Variants in IPMK observed in about 807,000 individuals in gnomAD.
IPMK encodes inositol 1,3,4,6-tetrakisphosphate 5-kinase.
A neutral mutation model predicts 45.8 loss-of-function variants in IPMK; 17 were observed. The observed-to-expected ratio is 0.37, with a 90% CI of 0.25 to 0.56. The LOEUF (loss-of-function observed/expected upper bound fraction) is 0.56, where lower values mean the gene tolerates loss of function less well. Ranked by LOEUF, IPMK falls within the 20% of genes least tolerant of loss-of-function variation. The probability of loss-of-function intolerance (pLI) is 0.79; values close to 1 mark genes in which losing one functional copy is unlikely to be tolerated. For missense variants in IPMK, 399 were observed against 498.0 expected, an observed-to-expected ratio of 0.80 and a Z score of 1.89; for synonymous variants, 180 against 184.3, an observed-to-expected ratio of 0.98 and a Z score of 0.19.
intron 4 of IPMK, among the ~76,000 whole-genome samples, chr10:58,202,210 G>A (rs560996114): frequency 2.6e-5 from 4 of 152,214 alleles, no homozygotes; most frequent in East Asian, 3.9e-4. Flanking sequence ...TAGATGAAAC[G>A]GCCTTCTATT....
chr10:58,237,408 T>C (rs1838629764), intron 2 of IPMK, among the ~76,000 whole-genome samples: 1 of 152,228 alleles, frequency 6.6e-6, no homozygotes, highest in African/African-American at 2.4e-5. Context: ...CCTTTGTAAA[T>C]AGTCCCTTTA....
intron 4 of IPMK, among the ~76,000 whole-genome samples, chr10:58,209,073 T>C (rs1398574588): frequency 2.0e-5 from 3 of 152,224 alleles, no homozygotes; most frequent in African/African-American, 7.2e-5. Flanking sequence ...TCTATAGGAA[T>C]GTTGTTATTC....
chr10:58,236,492 T>G, intron 2 of IPMK, among the ~76,000 whole-genome samples: 1 of 152,346 alleles, frequency 6.6e-6, no homozygotes, highest in African/African-American at 2.4e-5. Flanking sequence ...TACAGAAATC[T>G]ATTTCTGTAT....
chr10:58,259,515 CA>C (rs1839024270), intron 1 of IPMK, among the ~76,000 whole-genome samples: 1 of 151,730 alleles, frequency 6.6e-6, no homozygotes, highest in South Asian at 2.1e-4. Flanking sequence ...TATTCCTTAA[CA>C]TAGAATGCCA....
chr10:58,208,672 G>A (rs1194314760), intron 4 of IPMK, among the ~76,000 whole-genome samples: 1 of 152,134 alleles, frequency 6.6e-6, no homozygotes, highest in Non-Finnish European at 1.5e-5. Flanking sequence ...TATATTATTA[G>A]TGTGTGGGTG....
chr10:58,212,192 C>A (rs1033230334), intron 4 of IPMK, among the ~76,000 whole-genome samples: 4 of 152,090 alleles, frequency 2.6e-5, no homozygotes, highest in Non-Finnish European at 5.9e-5. Context: ...GAAGTAGTTT[C>A]CACCGTGAAA....
At position 58,225,985 on chromosome 10, in the gene IPMK, A is replaced by T. The variant is rs116373728; in HGVS notation, c.373+1058T>A. The stretch of plus-strand genomic sequence containing the variant: ...TATAGTTAGGACTAAAAAGACCTGT[A>T]AGCCCACAAAAAAGAAGGAAGGAAT... On this transcript the variant is annotated intron_variant, in intron 3 of 5. Transcript: ENST00000373935. 4.7e-3 allele frequency among the ~76,000 whole-genome samples: 714 copies of T among 152,312 alleles called. 5 individuals carry two copies. Among genetic ancestry groups the T allele is most frequent in the African/African-American group, 0.016 (677 of 41,578 alleles).
chr10:58,213,029 A>G (rs1270733525), intron 4 of IPMK: 1 of 155,168 alleles, frequency 6.4e-6, no homozygotes, highest in Non-Finnish European at 1.5e-5. Context: ...ATGCTGGTAA[A>G]CAATCATGAT....
chr10:58,222,461 T>A (rs896092188), intron 3 of IPMK, among the ~76,000 whole-genome samples: 1 of 152,184 alleles, frequency 6.6e-6, no homozygotes, highest in Non-Finnish European at 1.5e-5. Flanking sequence ...TTAGGACTCT[T>A]ATGAAGTGAG....
intron 1 of IPMK, among the ~76,000 whole-genome samples, chr10:58,264,199 G>A (rs61873887): frequency 0.042 from 6,428 of 152,302 alleles, 182 homozygotes; most frequent in East Asian, 0.14. Context: ...GTGGCATAAT[G>A]TATGCAACCT....
At chr10:58,224,397 C>G (rs1838382598) in intron 3 of IPMK, among the ~76,000 whole-genome samples, 1 of 152,148 alleles carries the variant, frequency 6.6e-6, no homozygotes, top group African/African-American at 2.4e-5. Context: ...CTATATATAA[C>G]TAGCATGAAA....
At chr10:58,210,910 G>C (rs1409207304) in intron 4 of IPMK, among the ~76,000 whole-genome samples, 1 of 152,312 alleles carries the variant, frequency 6.6e-6, no homozygotes, top group South Asian at 2.1e-4. Flanking sequence ...TTCACATTGT[G>C]AATCTCCACA....
At chr10:58,249,516 TGA>T (rs34231641) in intron 1 of IPMK, among the ~76,000 whole-genome samples, 51,075 of 151,740 alleles carry the variant, frequency 0.34, 10,746 homozygotes, top group African/African-American at 0.6. Flanking sequence ...TGTCCACTTT[TGA>T]GAGATATCTA....
chr10:58,226,923 A>C, intron 3 of IPMK, 120 bp downstream of exon 3: 1 of 599,456 alleles, frequency 1.7e-6, no homozygotes, highest in South Asian at 2.4e-5. Flanking sequence ...TAGAAAGCAA[A>C]ACATATATAT....
At chr10:58,197,338 C>T (rs75577437) in intron 5 of IPMK, among the ~76,000 whole-genome samples, 1 of 89,566 alleles carries the variant, frequency 1.1e-5, no homozygotes, top group Non-Finnish European at 2.0e-5. Context: ...TACATAAATA[C>T]ATAAACACAT....
intron 1 of IPMK, among the ~76,000 whole-genome samples, chr10:58,254,377 T>C (rs1475464220): frequency 2.0e-5 from 3 of 152,144 alleles, no homozygotes; most frequent in Non-Finnish European, 4.4e-5. Context: ...ATAGGATCTC[T>C]CTCTTTTTTA....
At chr10:58,248,733 C>A (rs1403934838) in intron 1 of IPMK, among the ~76,000 whole-genome samples, 1 of 152,198 alleles carries the variant, frequency 6.6e-6, no homozygotes, top group Non-Finnish European at 1.5e-5. Context: ...CATGATCCTA[C>A]TCTCTACCAC....
chr10:58,198,673 A>G (rs982697019), intron 5 of IPMK, among the ~76,000 whole-genome samples: 1 of 152,162 alleles, frequency 6.6e-6, no homozygotes, highest in Non-Finnish European at 1.5e-5. Flanking sequence ...TGTTATTTCC[A>G]GGAATCTAGG....
At chr10:58,215,215 G>A (rs1838226256) in intron 4 of IPMK, among the ~76,000 whole-genome samples, 2 of 152,190 alleles carry the variant, frequency 1.3e-5, no homozygotes, top group South Asian at 4.1e-4. Flanking sequence ...ATGAGAGAGA[G>A]TCATTTTAGA....
Sources: gnomAD v4.1 joint callset for allele counts (sites outside exome capture counted in the v4.1 genomes callset) on GRCh38, gnomAD v4.1.1 for gene constraint, MANE v1.5 for transcripts, NCBI Gene and HGNC (gene_info 2026-07-23, HGNC 2026-07-21) for gene names.